The following CMTM2 variants were observed in gnomAD, a reference collection of about 807,000 sequenced individuals.
The protein encoded by CMTM2 is CKLF-like MARVEL transmembrane domain-containing protein 2.
In CMTM2, 15 loss-of-function variants were observed where a neutral mutation model predicts 16.8. The observed-to-expected ratio is 0.89, with a 90% CI of 0.60 to 1.37. The LOEUF (loss-of-function observed/expected upper bound fraction) is 1.37, where lower values mean the gene tolerates loss of function less well. Ranked by LOEUF, CMTM2 falls within the 40% of genes most tolerant of loss-of-function variation. The pLI, the probability that CMTM2 is intolerant of heterozygous loss-of-function variation, is 0.00. For missense variants in CMTM2, 282 were observed against 318.0 expected, an observed-to-expected ratio of 0.89 and a Z score of 0.86; for synonymous variants, 117 against 118.7, an observed-to-expected ratio of 0.99 and a Z score of 0.09.
rs781633308 is a variant in CMTM2, at chr16:66,579,798, C to T, written c.191C>T (p.Thr64Met). Residue 64 changes from threonine (T) to methionine (M), a missense_variant, in exon 1 of 4, where the codon ACG (threonine) becomes ATG (methionine). By Grantham distance (81) the Thr-to-Met change is moderately conservative (BLOSUM62 -1). Transcript: ENST00000268595. This position sits in a 1 kb window ranked among gnomAD's most constrained non-coding sequence, Gnocchi z 6.5. ...KAVQPKHEVG[T>M]RRGCRRYRWE... ...GTGCAGCCCAAGCACGAAGTGGGCACGAGGAGGGGGTGTCGCCGCTACCGG... is the reference window on the plus strand; with the variant it reads ...GTGCAGCCCAAGCACGAAGTGGGCATGAGGAGGGGGTGTCGCCGCTACCGG... 3.1e-6 allele frequency: 5 copies of T among 1,613,596 alleles called. No homozygotes were observed. In the African/African-American group the frequency reaches 5.4e-5, roughly 17 times the overall value.
rs763015927 is a variant in CMTM2 at position 66,579,559 on chromosome 16, G to A, written c.-49G>A. The A allele has an allele frequency of 1.9e-6, 3 of 1,607,268 alleles. No individual in the cohort carries two copies. Among genetic ancestry groups the A allele is most frequent in the Admixed American group, 1.7e-5 (1 of 59,650 alleles). ...CCTGGCCTACCCAGAAACAGCAGGAGAGAGAAGAAACAGGCCAGCTGTGAG... is the reference window on the plus strand; with the variant it reads ...CCTGGCCTACCCAGAAACAGCAGGAAAGAGAAGAAACAGGCCAGCTGTGAG... On this transcript the variant is annotated 5_prime_UTR_variant, in exon 1 of 4. Coordinates refer to ENST00000268595, the MANE Select transcript of CMTM2 (RefSeq NM_144673.3). The surrounding 1 kb of genome is among the most constrained non-coding windows in gnomAD (Gnocchi z 6.5).
chr16:66,581,113 G>A (rs970640157), intron 2 of CMTM2, among the ~76,000 whole-genome samples: 5 of 152,024 alleles, frequency 3.3e-5, no homozygotes, highest in African/African-American at 4.8e-5. Flanking sequence ...AGCTTTATGA[G>A]TACATTTCAT....
At chr16:66,586,151 A>AG (rs2014789787) in intron 2 of CMTM2, among the ~76,000 whole-genome samples, 1 of 152,072 alleles carries the variant, frequency 6.6e-6, no homozygotes, top group South Asian at 2.1e-4. Flanking sequence ...AAAGAGGGGA[A>AG]GGGGTCTAGG....
rs1186507113 is a variant in CMTM2, at chr16:66,579,729, C to T, written c.122C>T (p.Ala41Val). 2 of 1,613,464 alleles carry T rather than the reference C, an allele frequency of 1.2e-6. No individual in the cohort carries two copies. Among genetic ancestry groups the T allele is most frequent in the Non-Finnish European group, 8.5e-7 (1 of 1,179,670 alleles). ...GKEPSDKPQK[A>V]VQDHKEPSDK... ...GAGCCATCGGACAAACCTCAAAAGG[C>T]GGTGCAGGACCATAAGGAGCCATCG... Residue 41 changes from alanine to valine, a missense_variant, in exon 1 of 4, where the codon GCG (alanine) becomes GTG (valine). Ala to Val is a moderately conservative substitution (Grantham distance 64). Coordinates refer to ENST00000268595, the MANE Select transcript of CMTM2 (RefSeq NM_144673.3). The surrounding 1 kb of genome is among the most constrained non-coding windows in gnomAD (Gnocchi z 6.5).
intron 2 of CMTM2, among the ~76,000 whole-genome samples, chr16:66,583,496 A>C (rs140148267): frequency 0.015 from 2,348 of 152,262 alleles, 29 homozygotes; most frequent in Admixed American, 0.019. Context: ...TCTCAAAAAA[A>C]AAAAAATGCT....
Position 66,588,261 on chromosome 16 carries a change from T to C in CMTM2, c.*142T>C, listed in dbSNP as rs535754365. The C allele has an allele frequency of 1.0e-5, 8 of 776,218 alleles. No homozygotes were observed. In the South Asian group the frequency reaches 1.5e-4, roughly 14 times the overall value. The allele number at this position is 776,218 out of a possible 1,614,324, so 48.1% of individuals were successfully genotyped here. ...GCTTGGAAAAGAATGGATTAATGGA[T>C]TCTAAAAGCCTAAAGTTGATGTAAG... is the stretch of plus-strand genomic sequence containing the variant. On this transcript the variant is annotated 3_prime_UTR_variant, in exon 4 of 4. Coordinates refer to ENST00000268595, the MANE Select transcript of CMTM2 (RefSeq NM_144673.3).
chr16:66,582,112 T>C (rs1287557772), intron 2 of CMTM2, among the ~76,000 whole-genome samples: 2 of 151,994 alleles, frequency 1.3e-5, no homozygotes, highest in Non-Finnish European at 2.9e-5. Flanking sequence ...TATGAGATAA[T>C]AGAAGAGCTG....
In CMTM2 at chr16:66,587,995, C is replaced by G; in HGVS notation, c.623C>G (p.Ala208Gly). The G allele has an allele frequency of 6.2e-7, 1 of 1,614,086 alleles. No homozygotes were observed. Among genetic ancestry groups the G allele is most frequent in the Non-Finnish European group, 8.5e-7 (1 of 1,180,024 alleles). ...AGAAACCACTTCAGAGGCAAGAAGGCCAAAAAGCATATGCTGGTTCCTCCT... is the reference window on the plus strand; with the variant it reads ...AGAAACCACTTCAGAGGCAAGAAGGGCAAAAAGCATATGCTGGTTCCTCCT... Reference protein sequence around the residue: ...LQRNHFRGKKAKKHMLVPPPG... With the variant: ...LQRNHFRGKKGKKHMLVPPPG... Residue 208 changes from alanine to glycine, a missense_variant, in exon 4 of 4, where the codon GCC becomes GGC. By Grantham distance (60) the Ala-to-Gly change is moderately conservative. Coordinates refer to ENST00000268595, the MANE Select transcript of CMTM2 (RefSeq NM_144673.3).
chr16:66,585,419 T>A (rs964562795), intron 2 of CMTM2, among the ~76,000 whole-genome samples: 1 of 152,212 alleles, frequency 6.6e-6, no homozygotes, highest in African/African-American at 2.4e-5. Context: ...AATTAATAAA[T>A]CTATATTTCT....
rs1239420331 is a variant in CMTM2, at chr16:66,586,854, GGT to G, written c.445-136_445-135del. The stretch of plus-strand genomic sequence containing the variant: ...GGCCACAGATATGTCCACCTAGCCC[GGT>G]GTGTGTTTATCTTTATGCATACATT... On this transcript the variant is annotated intron_variant, in intron 2 of 3. Coordinates refer to ENST00000268595, the MANE Select transcript of CMTM2 (RefSeq NM_144673.3). 4 of 646,504 alleles carry G rather than the reference GGT, an allele frequency of 6.2e-6. No homozygotes were observed. In the Admixed American group the frequency reaches 7.0e-5, roughly 11 times the overall value. The allele number at this position is 646,504 out of a possible 1,614,324, so 40.0% of individuals were successfully genotyped here. A position where few individuals can be genotyped will look rare whatever the true frequency, so the allele number is the denominator to read the frequency against.
At position 66,579,992 on chromosome 16, in the gene CMTM2, T is replaced by G; in HGVS notation, c.286-34T>G. On this transcript the variant is annotated intron_variant, in intron 1 of 3. Coordinates refer to ENST00000268595, the MANE Select transcript of CMTM2 (RefSeq NM_144673.3). The surrounding 1 kb of genome is among the most constrained non-coding windows in gnomAD (Gnocchi z 6.5). Reference sequence around the variant, plus strand: ...CCTCAGAGAGATGGTGAAAGGCCCTTGCTGCTGGCTCAGGTGTCTATGTCT... The same window carrying G: ...CCTCAGAGAGATGGTGAAAGGCCCTGGCTGCTGGCTCAGGTGTCTATGTCT... 6.2e-7 allele frequency: 1 copy of G among 1,613,814 alleles called. No homozygotes were observed. Among genetic ancestry groups the G allele is most frequent in the Non-Finnish European group, 8.5e-7 (1 of 1,179,820 alleles).
intron 2 of CMTM2, among the ~76,000 whole-genome samples, chr16:66,582,927 A>G (rs1203976558): frequency 1.3e-5 from 2 of 152,188 alleles, no homozygotes; most frequent in African/African-American, 2.4e-5. Context: ...AACCTGCACA[A>G]ATTGTATTTT....
chr16:66,580,177 C>T lies in CMTM2; in HGVS notation c.437C>T (p.Pro146Leu). ...IHRYIPFILW[P>L]ISDLFNDLIA... is the part of the protein sequence containing the mutation. ...AGATACATACCCTTCATCCTGTGGC[C>T]CATTTCTGTAAGTAAGGGGTGATGG... The change falls in exon 2 of 4, where the codon CCC becomes CTC. Residue 146 changes from proline (P) to leucine (L), a missense_variant. Coordinates refer to ENST00000268595, the MANE Select transcript of CMTM2 (RefSeq NM_144673.3). 1 of 1,614,060 alleles carries T rather than the reference C, an allele frequency of 6.2e-7. No individual in the cohort carries two copies.
chr16:66,588,129 G>A lies in CMTM2; in HGVS notation c.*10G>A. ...AAAGGGAAAGAAATGACTTGGAGGA[G>A]GCTCCTGGTGTCTGAAACGGCAGTG... is the stretch of plus-strand genomic sequence containing the variant. On this transcript the variant is annotated 3_prime_UTR_variant, in exon 4 of 4. Transcript: ENST00000268595. 6.2e-7 allele frequency: 1 copy of A among 1,611,580 alleles called. No homozygotes were observed. Among genetic ancestry groups the A allele is most frequent in the Non-Finnish European group, 8.5e-7 (1 of 1,179,510 alleles).
chr16:66,586,177 C>T (rs969165459), intron 2 of CMTM2, among the ~76,000 whole-genome samples: 4 of 152,024 alleles, frequency 2.6e-5, no homozygotes, highest in African/African-American at 9.7e-5. Context: ...AGGCCGAGGG[C>T]AGGGGGTTGC....
chr16:66,579,988 C>A lies in CMTM2; in HGVS notation c.286-38C>A. ...GGGTCCTCAGAGAGATGGTGAAAGG[C>A]CCTTGCTGCTGGCTCAGGTGTCTAT... On this transcript the variant is annotated intron_variant, in intron 1 of 3. Coordinates refer to ENST00000268595, the MANE Select transcript of CMTM2 (RefSeq NM_144673.3). The surrounding 1 kb of genome is among the most constrained non-coding windows in gnomAD (Gnocchi z 6.5). The A allele has an allele frequency of 6.2e-7, 1 of 1,613,380 alleles. No homozygotes were observed. Among genetic ancestry groups the A allele is most frequent in the Non-Finnish European group, 8.5e-7 (1 of 1,179,586 alleles).
chr16:66,587,968 A>G lies in CMTM2; in HGVS notation c.596A>G (p.Gln199Arg), dbSNP rs1426920707. 1.9e-6 allele frequency: 3 copies of G among 1,614,056 alleles called. No homozygotes were observed. The highest frequency in any genetic ancestry group is 1.7e-6 in the Non-Finnish European group (2 of 1,180,042). Residue 199 changes from glutamine to arginine, a missense_variant, in exon 4 of 4, where the codon CAA becomes CGA. Coordinates refer to ENST00000268595, the MANE Select transcript of CMTM2 (RefSeq NM_144673.3). ...TTTGCTTTTATCGATGTGTGTCTTC[A>G]AAGAAACCACTTCAGAGGCAAGAAG... ...GVFAFIDVCL[Q>R]RNHFRGKKAK...
rs778876981 is a variant in CMTM2 at position 66,580,185 on chromosome 16, G to C, written c.444+1G>C. 5 of 1,614,080 alleles carry C rather than the reference G, an allele frequency of 3.1e-6. No homozygotes were observed. In the South Asian group the frequency reaches 5.5e-5, roughly 18 times the overall value. On this transcript the variant is annotated splice_donor_variant, in intron 2 of 3. Transcript: ENST00000268595. LOFTEE classifies it high-confidence loss of function. The stretch of plus-strand genomic sequence containing the variant: ...ACCCTTCATCCTGTGGCCCATTTCT[G>C]TAAGTAAGGGGTGATGGGGAGTGCC...
chr16:66,586,641 C>G (rs60336423), intron 2 of CMTM2, among the ~76,000 whole-genome samples: 1 of 152,030 alleles, frequency 6.6e-6, no homozygotes, highest in South Asian at 2.1e-4. Context: ...GGAGTAAGAC[C>G]CTGTCTCAAA....
Sources: allele counts gnomAD v4.1 joint callset (sites outside exome capture counted in the v4.1 genomes callset), GRCh38; gene constraint gnomAD v4.1.1; non-coding constraint Gnocchi (gnomAD v3.1); transcripts MANE v1.5; gene names NCBI Gene and HGNC (gene_info 2026-07-23, HGNC 2026-07-21).